POLN: variants seen among roughly 807,000 people sequenced by gnomAD.
POLN encodes the protein DNA polymerase N.
In POLN, 108 loss-of-function variants were observed where a neutral mutation model predicts 113.5. The ratio of observed to expected loss-of-function variants is 0.95; its 90% CI spans 0.81 to 1.12. POLN has a LOEUF of 1.12. Among genes scored for constraint, POLN ranks in the 50% most tolerant of loss-of-function variants. The pLI, the probability that POLN is intolerant of heterozygous loss-of-function variation, is 0.00. For synonymous variants in POLN, 386 were observed against 391.5 expected (o/e 0.99, Z 0.17); for missense variants, 1,097 against 1,077.1 (o/e 1.02, Z -0.26).
chr4:2,171,459 G>GCTGA (rs1400799894), intron 11 of POLN, among the ~76,000 whole-genome samples: 1 of 151,082 alleles, frequency 6.6e-6, no homozygotes, highest in African/African-American at 2.4e-5. Context: ...TGCTTGGGAG[G>GCTGA]CTGAGGTGGG....
At chr4:2,138,789 C>A (rs1205149060) in intron 16 of POLN, among the ~76,000 whole-genome samples, 1 of 152,000 alleles carries the variant, frequency 6.6e-6, no homozygotes, top group East Asian at 1.9e-4. Context: ...GTAATCCCAG[C>A]TACTCGGGAG....
intron 21 of POLN, among the ~76,000 whole-genome samples, chr4:2,084,176 G>T (rs2108691690): frequency 6.6e-6 from 1 of 152,350 alleles, no homozygotes; most frequent in African/African-American, 2.4e-5. Context: ...GGCTTTGACT[G>T]CATCTCAAAT....
chr4:2,162,054 A>G (rs936657128), intron 13 of POLN, among the ~76,000 whole-genome samples: 7 of 152,146 alleles, frequency 4.6e-5, no homozygotes, highest in Non-Finnish European at 7.4e-5. Context: ...CAGGATGTGG[A>G]TAGGGCCAGA....
intron 2 of POLN, among the ~76,000 whole-genome samples, chr4:2,237,924 G>C (rs1037627012): frequency 7.2e-5 from 11 of 152,208 alleles, no homozygotes; most frequent in Admixed American, 2.6e-4. Context: ...AATTCCAGGG[G>C]TATCATTCAC....
intron 13 of POLN, among the ~76,000 whole-genome samples, chr4:2,162,913 G>A (rs1295352181): frequency 6.7e-6 from 1 of 149,818 alleles, no homozygotes; most frequent in Non-Finnish European, 1.5e-5. Context: ...AAGTAGTCTT[G>A]ATATTCAATA....
chr4:2,104,120 A>C lies in POLN; in HGVS notation c.1983-8187T>G, dbSNP rs537248877. 3.9e-5 allele frequency among the ~76,000 whole-genome samples: 6 copies of C among 152,360 alleles called. No homozygotes were observed. In the East Asian group the frequency reaches 1.2e-3, roughly 29 times the overall value. On this transcript the variant is annotated intron_variant, in intron 19 of 25. Transcript: ENST00000511885. Reference sequence around the variant, plus strand: ...GAATTTCACCAAACCACAATGACAAACAGAGAAAATGAAAGAAACAAATAA... The same window carrying C: ...GAATTTCACCAAACCACAATGACAACCAGAGAAAATGAAAGAAACAAATAA...
At position 2,128,101 on chromosome 4, in the gene POLN, C is replaced by T. The variant is rs1036379748; in HGVS notation, c.1982+12G>A. 6.7e-7 allele frequency: 1 copy of T among 1,498,152 alleles called. No homozygotes were observed. Among genetic ancestry groups the T allele is most frequent in the Non-Finnish European group, 9.3e-7 (1 of 1,075,564 alleles). 92.8% of individuals were successfully genotyped at this position (1,498,152 alleles called of 1,614,324 possible). On this transcript the variant is annotated intron_variant, in intron 19 of 25. Coordinates refer to ENST00000511885, the MANE Select transcript of POLN (RefSeq NM_181808.4). ...TGCAGATCTGATAATATTGTGAGTT[C>T]ATATATCTTACCACTGTGAAGTCAG...
intron 23 of POLN, chr4:2,080,290 G>A (rs1577678746): frequency 1.0e-6 from 1 of 993,126 alleles, no homozygotes; most frequent in East Asian, 1.1e-4. Context: ...CACTCTTGAG[G>A]AATGTGCCCT....
At chr4:2,089,661 T>G in intron 20 of POLN, 1 of 734,646 alleles carries the variant, frequency 1.4e-6, no homozygotes, top group Middle Eastern at 2.7e-4. Context: ...CTGAACTTCC[T>G]AAACTGTCCT....
At chr4:2,142,776 A>G (rs1732034420) in intron 16 of POLN, among the ~76,000 whole-genome samples, 1 of 152,182 alleles carries the variant, frequency 6.6e-6, no homozygotes, top group Non-Finnish European at 1.5e-5. Context: ...GACAATAACT[A>G]TACTACTCCA....
At chr4:2,235,373 A>G (rs1386042251) in intron 2 of POLN, among the ~76,000 whole-genome samples, 1 of 152,238 alleles carries the variant, frequency 6.6e-6, no homozygotes, top group East Asian at 1.9e-4. Context: ...ACCACAGGAA[A>G]TAACAAGTGT....
chr4:2,097,252 C>T (rs1451174887), intron 19 of POLN, among the ~76,000 whole-genome samples: 1 of 152,194 alleles, frequency 6.6e-6, no homozygotes, highest in Non-Finnish European at 1.5e-5. Flanking sequence ...GTGTGCTCTG[C>T]CTCCAGAAGC....
At chr4:2,169,627 A>C (rs1732812308) in intron 13 of POLN, among the ~76,000 whole-genome samples, 1 of 152,114 alleles carries the variant, frequency 6.6e-6, no homozygotes, top group South Asian at 2.1e-4. Flanking sequence ...GGAAAGTACT[A>C]TTATTATTTT....
intron 5 of POLN, among the ~76,000 whole-genome samples, chr4:2,201,005 C>T (rs554402928): frequency 4.1e-4 from 63 of 152,172 alleles, no homozygotes; most frequent in African/African-American, 1.4e-3. Context: ...CTGTGGCTCA[C>T]GCCTGTAATC....
At chr4:2,191,437 C>T (rs577501172) in intron 7 of POLN, among the ~76,000 whole-genome samples, 2 of 152,078 alleles carry the variant, frequency 1.3e-5, no homozygotes, top group South Asian at 4.1e-4. Context: ...AGTAGAGTGA[C>T]TATAGTAAAC....
At chr4:2,177,172 C>G (rs1209602226) in intron 8 of POLN, 1 of 293,608 alleles carries the variant, frequency 3.4e-6, no homozygotes, top group Non-Finnish European at 6.9e-6. Flanking sequence ...GAGCCTTCCA[C>G]ACCCCAAAAC....
chr4:2,073,466 A>G (rs1230178963), intron 24 of POLN, among the ~76,000 whole-genome samples: 1 of 152,226 alleles, frequency 6.6e-6, no homozygotes, highest in Non-Finnish European at 1.5e-5. Context: ...CACCAGCCAG[A>G]GCCACCAGGC....
chr4:2,108,022 G>A lies in POLN; in HGVS notation c.1983-12089C>T, dbSNP rs370943167. On this transcript the variant is annotated intron_variant, in intron 19 of 25. Transcript: ENST00000511885. ...TGCACCTTTGCTCCTTTTGCCTGGTGAGCACCCCTTCCCTTCCTCTGTTGG... is the reference window on the plus strand; with the variant it reads ...TGCACCTTTGCTCCTTTTGCCTGGTAAGCACCCCTTCCCTTCCTCTGTTGG... 4.6e-5 allele frequency among the ~76,000 whole-genome samples: 7 copies of A among 152,264 alleles called. No individual in the cohort carries two copies. In the East Asian group the frequency reaches 5.8e-4, roughly 13 times the overall value.
At chr4:2,091,904 C>A (rs1347586722) in intron 20 of POLN, among the ~76,000 whole-genome samples, 2 of 152,212 alleles carry the variant, frequency 1.3e-5, no homozygotes, top group Non-Finnish European at 2.9e-5. Context: ...CAGGCTTTCA[C>A]TCCTGTTTAT....
Sources: allele counts gnomAD v4.1 joint callset (sites outside exome capture counted in the v4.1 genomes callset), GRCh38; gene constraint gnomAD v4.1.1; transcripts MANE v1.5; gene names NCBI Gene and HGNC (gene_info 2026-07-23, HGNC 2026-07-21).